Variants in MTUS2 observed in about 807,000 individuals in gnomAD.
The protein encoded by MTUS2 is microtubule-associated tumor suppressor candidate 2.
In MTUS2, 40 loss-of-function variants were observed where a neutral mutation model predicts 114.1. The observed-to-expected ratio is 0.35, with a 90% CI of 0.27 to 0.46. The LOEUF (loss-of-function observed/expected upper bound fraction) is 0.46, where lower values mean the gene tolerates loss of function less well. Ranked by LOEUF, MTUS2 falls within the 20% of genes least tolerant of loss-of-function variation. The pLI is 1.00. For missense variants in MTUS2, 1,679 were observed against 1,705.4 expected, an observed-to-expected ratio of 0.98 and a Z score of 0.27; for synonymous variants, 688 against 672.0, an observed-to-expected ratio of 1.02 and a Z score of -0.37.
intron 4 of MTUS2, among the ~76,000 whole-genome samples, chr13:29,071,171 A>AT (rs938966710): frequency 1.1e-4 from 16 of 146,036 alleles, no homozygotes; most frequent in Admixed American, 1.4e-4. Flanking sequence ...TGCCTGGCTA[A>AT]TTTTTTTTTT....
chr13:29,428,515 T>C (rs775314963), intron 8 of MTUS2: 8 of 410,532 alleles, frequency 1.9e-5, no homozygotes, highest in Non-Finnish European at 3.4e-5. Flanking sequence ...TGCTCTGTGG[T>C]TATGCGACTA....
At chr13:28,983,238 C>T (rs961147360) in intron 2 of MTUS2, among the ~76,000 whole-genome samples, 7 of 152,068 alleles carry the variant, frequency 4.6e-5, no homozygotes, top group African/African-American at 1.7e-4. Flanking sequence ...CAGAGTGGCC[C>T]GACTTCTCTC....
At chr13:29,081,113 G>T (rs544285068) in intron 4 of MTUS2, among the ~76,000 whole-genome samples, 1 of 152,290 alleles carries the variant, frequency 6.6e-6, no homozygotes, top group African/African-American at 2.4e-5. Context: ...TGTCTTGAGA[G>T]AGCACTGAAA....
At chr13:28,972,861 T>A (rs1307299148) in intron 2 of MTUS2, among the ~76,000 whole-genome samples, 1 of 152,228 alleles carries the variant, frequency 6.6e-6, no homozygotes, top group Non-Finnish European at 1.5e-5. Flanking sequence ...TGCTGCAGAC[T>A]TTTTAAGAGA....
intron 5 of MTUS2, among the ~76,000 whole-genome samples, chr13:29,146,582 C>T (rs968806278): frequency 6.6e-6 from 1 of 152,146 alleles, no homozygotes; most frequent in Admixed American, 6.5e-5. Context: ...CAAATCAGAC[C>T]TCCTTATTAA....
intron 3 of MTUS2, among the ~76,000 whole-genome samples, chr13:29,031,633 AC>A (rs1395699006): frequency 6.6e-6 from 1 of 151,424 alleles, no homozygotes; most frequent in African/African-American, 2.4e-5. Flanking sequence ...ATTAGATGAG[AC>A]TCACCTACAT....
At chr13:29,018,766 C>T (rs1441870594) in intron 2 of MTUS2, among the ~76,000 whole-genome samples, 1 of 131,038 alleles carries the variant, frequency 7.6e-6, no homozygotes, top group African/African-American at 2.8e-5. Context: ...TCTCCAGCCC[C>T]TCCCCCCGCC....
At chr13:29,290,393 G>A (rs545353857) in intron 6 of MTUS2, among the ~76,000 whole-genome samples, 4 of 152,038 alleles carry the variant, frequency 2.6e-5, no homozygotes, top group East Asian at 3.9e-4. Flanking sequence ...GCAGTGGCGC[G>A]ATCTCAGCTC....
chr13:29,092,279 A>G (rs1183545349), intron 4 of MTUS2, among the ~76,000 whole-genome samples: 2 of 151,978 alleles, frequency 1.3e-5, no homozygotes, highest in Non-Finnish European at 2.9e-5. Context: ...ACTCTTCCCT[A>G]ATTGTTTTTT....
chr13:29,184,644 C>A (rs1894145979), intron 5 of MTUS2, among the ~76,000 whole-genome samples: 1 of 152,110 alleles, frequency 6.6e-6, no homozygotes, highest in African/African-American at 2.4e-5. Context: ...CAATCTCTGT[C>A]CAATCATTAG....
At chr13:28,892,399 G>A (rs1190337155) in intron 2 of MTUS2, among the ~76,000 whole-genome samples, 4 of 152,116 alleles carry the variant, frequency 2.6e-5, no homozygotes, top group Admixed American at 6.6e-5. Flanking sequence ...AAGGTGAACA[G>A]CAAGTTCAAG....
chr13:28,850,446 G>A (rs1876192357), intron 2 of MTUS2, among the ~76,000 whole-genome samples: 1 of 152,192 alleles, frequency 6.6e-6, no homozygotes, highest in Non-Finnish European at 1.5e-5. Flanking sequence ...GCCCTGCTGG[G>A]CTAGGCATTC....
intron 2 of MTUS2, among the ~76,000 whole-genome samples, chr13:28,995,808 G>A (rs930251558): frequency 1.3e-5 from 2 of 152,158 alleles, no homozygotes; most frequent in East Asian, 1.9e-4. Flanking sequence ...TGAGAAAATG[G>A]CGTTTTCTAG....
intron 5 of MTUS2, among the ~76,000 whole-genome samples, chr13:29,181,576 G>C (rs1257353109): frequency 6.6e-6 from 1 of 152,134 alleles, no homozygotes; most frequent in African/African-American, 2.4e-5. Context: ...GCTTGCCTCG[G>C]GGTTAGGATT....
intron 5 of MTUS2, among the ~76,000 whole-genome samples, chr13:29,279,184 A>C (rs1304568702): frequency 6.6e-6 from 1 of 152,178 alleles, no homozygotes. Context: ...TGAAGAAACT[A>C]TGATGCAAGA....
intron 1 of MTUS2, among the ~76,000 whole-genome samples, chr13:28,830,556 GAAAGAA>G (rs1361436999): frequency 6.6e-6 from 1 of 151,988 alleles, no homozygotes; most frequent in Admixed American, 6.6e-5. Context: ...ACTAGCAGAA[GAAAGAA>G]TCGGCAAACT....
At chr13:29,333,335 T>G (rs1009967754) in intron 7 of MTUS2, among the ~76,000 whole-genome samples, 4 of 152,104 alleles carry the variant, frequency 2.6e-5, no homozygotes, top group Non-Finnish European at 5.9e-5. Flanking sequence ...GTAGTGGGGA[T>G]TATAGGCATG....
At chr13:29,369,185 A>C (rs1408067370) in intron 8 of MTUS2, among the ~76,000 whole-genome samples, 1 of 152,212 alleles carries the variant, frequency 6.6e-6, no homozygotes. Context: ...ATCTGTAAAG[A>C]GGTAAGGACA....
chr13:29,202,645 A>G (rs1450586931), intron 5 of MTUS2, among the ~76,000 whole-genome samples: 2 of 152,156 alleles, frequency 1.3e-5, no homozygotes, highest in African/African-American at 4.8e-5. Flanking sequence ...TTCATGGATT[A>G]TCTACCTTTG....
Sources: allele counts gnomAD v4.1 joint callset (sites outside exome capture counted in the v4.1 genomes callset), GRCh38; gene constraint gnomAD v4.1.1; transcripts MANE v1.5; gene names NCBI Gene and HGNC (gene_info 2026-07-23, HGNC 2026-07-21).